The following ZDHHC2 variants were observed in gnomAD, a reference collection of about 807,000 sequenced individuals.
ZDHHC2 encodes palmitoyltransferase ZDHHC2.
ZDHHC2 carries 51 observed loss-of-function variants against 55.6 expected under a neutral mutation model. That is an observed-to-expected ratio of 0.92 (90% CI 0.73 to 1.16). The LOEUF (loss-of-function observed/expected upper bound fraction) is 1.16. Ranked by LOEUF, ZDHHC2 falls within the 50% of genes most tolerant of loss-of-function variation. The pLI is 0.00. For synonymous variants in ZDHHC2, 199 were observed against 152.9 expected (o/e 1.30, Z -2.22); for missense variants, 491 against 442.4 (o/e 1.11, Z -0.99).
chr8:17,201,595 C>G (rs1487416912), intron 6 of ZDHHC2, among the ~76,000 whole-genome samples: 3 of 144,808 alleles, frequency 2.1e-5, no homozygotes, highest in African/African-American at 7.6e-5. Flanking sequence ...TGGGTTCATG[C>G]CATTCTCCTG....
chr8:17,170,442 T>C lies in ZDHHC2; in HGVS notation c.130+13589T>C, dbSNP rs1011453228. On this transcript the variant is annotated intron_variant, in intron 1 of 12. Coordinates refer to ENST00000262096, the MANE Select transcript of ZDHHC2 (RefSeq NM_016353.5). ...TGTAGGAATTACATCCTTATATAGT[T>C]TCTTTCTCTGGAGAGTTGTAAAGTA... Among the ~76,000 whole-genome samples, 8 of 152,334 alleles carry C rather than the reference T, an allele frequency of 5.3e-5. No individual in the cohort carries two copies. In the East Asian group the frequency reaches 1.5e-3, roughly 29 times the overall value.
At chr8:17,168,793 G>A (rs958977943) in intron 1 of ZDHHC2, among the ~76,000 whole-genome samples, 5 of 152,074 alleles carry the variant, frequency 3.3e-5, no homozygotes, top group Non-Finnish European at 5.9e-5. Context: ...TATCTTCAGA[G>A]TTCACCTGTG....
At chr8:17,178,447 C>T (rs1374380908) in intron 1 of ZDHHC2, among the ~76,000 whole-genome samples, 3 of 152,120 alleles carry the variant, frequency 2.0e-5, no homozygotes, top group African/African-American at 7.2e-5. Context: ...AGAACCCTGA[C>T]TAATACATAG....
At chr8:17,169,744 C>T (rs1158915405) in intron 1 of ZDHHC2, among the ~76,000 whole-genome samples, 1 of 152,118 alleles carries the variant, frequency 6.6e-6, no homozygotes, top group Admixed American at 6.5e-5. Context: ...TAAATCCATA[C>T]ATAAAATGAG....
At chr8:17,202,962 G>A (rs1433908503) in intron 6 of ZDHHC2, among the ~76,000 whole-genome samples, 1 of 151,846 alleles carries the variant, frequency 6.6e-6, no homozygotes, top group Non-Finnish European at 1.5e-5. Flanking sequence ...TAATTCAAGA[G>A]CTGCTGCTTA....
chr8:17,172,275 G>A (rs1268913770), intron 1 of ZDHHC2, among the ~76,000 whole-genome samples: 6 of 152,190 alleles, frequency 3.9e-5, no homozygotes, highest in Admixed American at 6.5e-5. Context: ...AGAACTGAGC[G>A]TTAGCTCTCT....
intron 6 of ZDHHC2, among the ~76,000 whole-genome samples, chr8:17,199,267 C>G (rs1040171189): frequency 6.6e-6 from 1 of 152,164 alleles, no homozygotes; most frequent in Non-Finnish European, 1.5e-5. Context: ...TTTCTTTTCT[C>G]CACCTCGATT....
rs773642901 is a variant in ZDHHC2, at chr8:17,195,569, A to C, written c.318A>C (p.Glu106Asp). 1 of 1,613,960 alleles carries C rather than the reference A, an allele frequency of 6.2e-7. No individual in the cohort carries two copies. The highest frequency in any genetic ancestry group is 2.2e-5 in the East Asian group (1 of 44,870). The change falls in exon 4 of 13, where the codon GAA (glutamate) becomes GAC (aspartate). Residue 106 changes from glutamate (E) to aspartate (D), a missense_variant. By Grantham distance (45) the Glu-to-Asp change is conservative. Coordinates refer to ENST00000262096, the MANE Select transcript of ZDHHC2 (RefSeq NM_016353.5). ...AGCCAAGAGGAGAAGCCCATCAGGA[A>C]GTTCTTAGGCGAGCAGCCAAGGATC... Reference protein sequence around the residue: ...EREPRGEAHQEVLRRAAKDLP... With the variant: ...EREPRGEAHQDVLRRAAKDLP...
At chr8:17,195,325 G>A (rs1456690424) in intron 3 of ZDHHC2, among the ~76,000 whole-genome samples, 179 bp from the exon 4 acceptor site, 1 of 152,100 alleles carries the variant, frequency 6.6e-6, no homozygotes, top group African/African-American at 2.4e-5. Flanking sequence ...TTTTCTAGAT[G>A]CATAAATGAA....
chr8:17,216,152 G>A (rs190265720), intron 11 of ZDHHC2, among the ~76,000 whole-genome samples: 29 of 152,272 alleles, frequency 1.9e-4, no homozygotes, highest in African/African-American at 7.0e-4. Context: ...AAAATCTTCA[G>A]ATTGACTACT....
intron 1 of ZDHHC2, among the ~76,000 whole-genome samples, 183 bp from the exon 2 acceptor site, chr8:17,184,606 G>C (rs1015108199): frequency 2.2e-4 from 18 of 82,076 alleles, no homozygotes; most frequent in African/African-American, 8.6e-4. Flanking sequence ...GCAGCCTCCA[G>C]CCGTTTCCTG....
chr8:17,175,006 TG>T (rs1805059720), intron 1 of ZDHHC2, among the ~76,000 whole-genome samples: 1 of 152,098 alleles, frequency 6.6e-6, no homozygotes, highest in African/African-American at 2.4e-5. Flanking sequence ...GGATTACAGA[TG>T]TGAGCCACCG....
chr8:17,158,434 T>G (rs896886933), intron 1 of ZDHHC2, among the ~76,000 whole-genome samples: 10 of 152,322 alleles, frequency 6.6e-5, no homozygotes, highest in African/African-American at 2.4e-4. Flanking sequence ...GCTAAGACGC[T>G]TATCTTGGTA....
At chr8:17,215,459 C>T in intron 11 of ZDHHC2, 110 bp downstream of exon 11, 1 of 834,518 alleles carries the variant, frequency 1.2e-6, no homozygotes, top group Non-Finnish European at 1.9e-6. Flanking sequence ...AGTTTGGAGT[C>T]AGACTTCTAT....
intron 1 of ZDHHC2, among the ~76,000 whole-genome samples, chr8:17,176,828 GAAAC>G (rs977389774): frequency 3.4e-4 from 51 of 151,814 alleles, no homozygotes; most frequent in Admixed American, 2.5e-3. Flanking sequence ...GAAAAAAAAA[GAAAC>G]AGTTTGACTT....
intron 1 of ZDHHC2, among the ~76,000 whole-genome samples, chr8:17,171,633 G>A (rs557725912): frequency 5.3e-5 from 8 of 152,136 alleles, no homozygotes; most frequent in Admixed American, 1.3e-4. Context: ...ATCTGTTTCT[G>A]TCGAGTAGAG....
At chr8:17,162,812 C>T (rs903868033) in intron 1 of ZDHHC2, 1 of 152,154 alleles carries the variant, frequency 6.6e-6, no homozygotes, top group East Asian at 1.9e-4. Flanking sequence ...CGTCTCACTC[C>T]TAGACATGTG....
chr8:17,219,574 T>C (rs1807816216), intron 12 of ZDHHC2, among the ~76,000 whole-genome samples: 1 of 152,002 alleles, frequency 6.6e-6, no homozygotes, highest in Non-Finnish European at 1.5e-5. Context: ...CTGAGCAACA[T>C]GGTGAAACCC....
chr8:17,181,955 C>G (rs563780960), intron 1 of ZDHHC2, among the ~76,000 whole-genome samples: 14 of 152,194 alleles, frequency 9.2e-5, no homozygotes, highest in Admixed American at 3.9e-4. Context: ...TGTTTTTACT[C>G]TGTGAGAAAG....
Sources: gnomAD v4.1 joint callset for allele counts (sites outside exome capture counted in the v4.1 genomes callset) on GRCh38, gnomAD v4.1.1 for gene constraint, MANE v1.5 for transcripts, NCBI Gene and HGNC (gene_info 2026-07-23, HGNC 2026-07-21) for gene names.